SH2D4A: variants seen among roughly 807,000 people sequenced by gnomAD.
SH2D4A encodes SH2 domain containing 4A.
SH2D4A carries 70 observed loss-of-function variants against 64.7 expected under a neutral mutation model. The observed-to-expected ratio is 1.08, with a 90% CI of 0.89 to 1.32. The LOEUF (loss-of-function observed/expected upper bound fraction) is 1.32, where lower values mean the gene tolerates loss of function less well. Among genes scored for constraint, SH2D4A ranks in the 40% most tolerant of loss-of-function variants. SH2D4A has a pLI of 0.00. For synonymous variants in SH2D4A, 268 were observed against 200.7 expected, an observed-to-expected ratio of 1.34 and a Z score of -2.83; for missense variants, 706 against 540.1, an observed-to-expected ratio of 1.31 and a Z score of -3.04.
chr8:19,334,492 C>T (rs1471916250), intron 3 of SH2D4A, among the ~76,000 whole-genome samples, 194 bp from the exon 4 acceptor site: 1 of 152,094 alleles, frequency 6.6e-6, no homozygotes, highest in Non-Finnish European at 1.5e-5. Flanking sequence ...GATGACAATG[C>T]CTTCCTCACA....
intron 2 of SH2D4A, among the ~76,000 whole-genome samples, chr8:19,321,255 C>A (rs568525030): frequency 6.6e-6 from 1 of 152,204 alleles, no homozygotes; most frequent in South Asian, 2.1e-4. Flanking sequence ...ACTCTGTCGC[C>A]CTGGTTGGAG....
At chr8:19,332,875 T>C (rs1434244669) in intron 2 of SH2D4A, 80 bp from the exon 3 acceptor site, 1 of 1,404,414 alleles carries the variant, frequency 7.1e-7, no homozygotes, top group East Asian at 2.3e-5. Flanking sequence ...AGACCCAAAA[T>C]ACTTTAGTGA....
At chr8:19,353,714 T>A (rs1210321507) in intron 4 of SH2D4A, among the ~76,000 whole-genome samples, 1 of 149,504 alleles carries the variant, frequency 6.7e-6, no homozygotes, top group South Asian at 2.1e-4. Context: ...AAATAACTTT[T>A]GGATCCCACA....
Position 19,361,220 on chromosome 8 carries a change from G to T in SH2D4A, c.612G>T (p.Lys204Asn). ...TTAAACAGAAGAAAGAATCTATGAA[G>T]AAAAAACAAGATGAAGAAATAAATC... ...YAFHQKKESM[K>N]KKQDEEINQI... is the part of the protein sequence containing the mutation. Residue 204 changes from lysine (K) to asparagine (N), a missense_variant, in exon 6 of 10, where the codon AAG becomes AAT. By Grantham distance (94) the Lys-to-Asn change is moderately conservative (BLOSUM62 0). Transcript: ENST00000265807. 1.3e-6 allele frequency: 2 copies of T among 1,541,722 alleles called. No homozygotes were observed. The highest frequency in any genetic ancestry group is 1.8e-6 in the Non-Finnish European group (2 of 1,123,464).
intron 6 of SH2D4A, among the ~76,000 whole-genome samples, chr8:19,362,448 A>G (rs1041954468): frequency 2.6e-5 from 4 of 152,162 alleles, no homozygotes; most frequent in African/African-American, 7.2e-5. Context: ...TGGGTCGCAT[A>G]TAGTTTTTAG....
At chr8:19,322,612 C>CTTTTTTTTTTTTTTTTTTTTTATT (rs2052210965) in intron 2 of SH2D4A, among the ~76,000 whole-genome samples, 2 of 126,796 alleles carry the variant, frequency 1.6e-5, no homozygotes, top group Non-Finnish European at 3.2e-5. Context: ...GTCTATTATT[C>CTTTTTTTTTTTTTTTTTTTTTATT]TTTTTTTTTT....
chr8:19,327,174 A>C (rs910807435), intron 2 of SH2D4A, among the ~76,000 whole-genome samples: 2 of 152,192 alleles, frequency 1.3e-5, no homozygotes, highest in African/African-American at 4.8e-5. Context: ...TTTCTAGAAA[A>C]GTTGGTTTTA....
At chr8:19,369,925 ACTTTTTT>A (rs2053066273) in intron 7 of SH2D4A, among the ~76,000 whole-genome samples, 2 of 151,770 alleles carry the variant, frequency 1.3e-5, no homozygotes, top group Non-Finnish European at 2.9e-5. Flanking sequence ...ATATCTTTCT[ACTTTTTT>A]GATATGTGTG....
At position 19,334,871 on chromosome 8, in the gene SH2D4A, G is replaced by C; in HGVS notation, c.513+14G>C. 1.3e-6 allele frequency: 2 copies of C among 1,583,722 alleles called. No individual in the cohort carries two copies. The highest frequency in any genetic ancestry group is 1.2e-5 in the South Asian group (1 of 85,658). On this transcript the variant is annotated intron_variant, in intron 4 of 9. Coordinates refer to ENST00000265807, the MANE Select transcript of SH2D4A (RefSeq NM_022071.4). ...GAGAAAATCCGAGTGAGTCCTTACTGTCTGTAGACGTGCGGAATTTCATCA... is the reference window on the plus strand; with the variant it reads ...GAGAAAATCCGAGTGAGTCCTTACTCTCTGTAGACGTGCGGAATTTCATCA...
At chr8:19,391,221 C>A (rs1394904432) in intron 8 of SH2D4A, among the ~76,000 whole-genome samples, 1 of 152,080 alleles carries the variant, frequency 6.6e-6, no homozygotes. Flanking sequence ...GTATGGTTGT[C>A]ATTTGTAATT....
chr8:19,331,858 C>T (rs951452884), intron 2 of SH2D4A, among the ~76,000 whole-genome samples: 5 of 152,116 alleles, frequency 3.3e-5, no homozygotes, highest in Middle Eastern at 3.2e-3. Context: ...TCACATAGCT[C>T]GTAAGTGACA....
rs185533567 is a variant in SH2D4A at position 19,388,290 on chromosome 8, A to G, written c.1049-5028A>G. On this transcript the variant is annotated intron_variant, in intron 8 of 9. Coordinates refer to ENST00000265807, the MANE Select transcript of SH2D4A (RefSeq NM_022071.4). Reference sequence around the variant, plus strand: ...TTTCTGCGTTAGTTTCCTCATCTATAAAATACAGATGACGATAATATCAGC... The same window carrying G: ...TTTCTGCGTTAGTTTCCTCATCTATGAAATACAGATGACGATAATATCAGC... Among the ~76,000 whole-genome samples, 43 of 152,374 alleles carry G rather than the reference A, an allele frequency of 2.8e-4. No homozygotes were observed. In the East Asian group the frequency reaches 7.5e-3, roughly 27 times the overall value.
intron 8 of SH2D4A, among the ~76,000 whole-genome samples, chr8:19,376,732 C>T (rs2053202393): frequency 6.6e-6 from 1 of 152,116 alleles, no homozygotes; most frequent in Admixed American, 6.5e-5. Context: ...GTCAAGTTGA[C>T]CCATAAAATT....
Position 19,362,540 on chromosome 8 carries a change from G to A in SH2D4A, c.706+1226G>A, listed in dbSNP as rs189350761. ...GGATCACTTCAGGTCATGAGTTCAA[G>A]ACCAGCCTGGCCAACATGGTGAAAC... On this transcript the variant is annotated intron_variant, in intron 6 of 9. Coordinates refer to ENST00000265807, the MANE Select transcript of SH2D4A (RefSeq NM_022071.4). 2.4e-3 allele frequency among the ~76,000 whole-genome samples: 371 copies of A among 152,242 alleles called. 2 individuals are homozygous for A. The highest frequency in any genetic ancestry group is 4.4e-3 in the Non-Finnish European group (301 of 68,020).
rs116150788 is a variant in SH2D4A at position 19,360,247 on chromosome 8, G to C, written c.595-956G>C. ...CCTTTTAAAGGAATATTTACATTTTGAAAGTATTTCTCCCTTCTCAAAAGA... is the reference window on the plus strand; with the variant it reads ...CCTTTTAAAGGAATATTTACATTTTCAAAGTATTTCTCCCTTCTCAAAAGA... On this transcript the variant is annotated intron_variant, in intron 5 of 9. Transcript: ENST00000265807. Among the ~76,000 whole-genome samples the C allele has an allele frequency of 2.6e-3, 384 of 150,582 alleles. 1 individual carries two copies. Among genetic ancestry groups the C allele is most frequent in the African/African-American group, 8.9e-3 (364 of 41,028 alleles).
intron 4 of SH2D4A, among the ~76,000 whole-genome samples, chr8:19,356,385 T>G (rs1477498125): frequency 6.6e-6 from 1 of 152,168 alleles, no homozygotes; most frequent in Non-Finnish European, 1.5e-5. Context: ...ATGCCAAAAT[T>G]AAGAACTCAG....
At chr8:19,388,773 GACTTGATTATAA>G (rs1416303607) in intron 8 of SH2D4A, among the ~76,000 whole-genome samples, 1 of 152,222 alleles carries the variant, frequency 6.6e-6, no homozygotes, top group East Asian at 1.9e-4. Flanking sequence ...GGAAGTTTCA[GACTTGATTATAA>G]GACACAAGCA....
chr8:19,348,477 G>T (rs1451758454), intron 4 of SH2D4A, among the ~76,000 whole-genome samples: 5 of 152,110 alleles, frequency 3.3e-5, no homozygotes, highest in African/African-American at 9.7e-5. Context: ...GATATAATAT[G>T]AAACTTCCAC....
intron 6 of SH2D4A, 82 bp downstream of exon 6, chr8:19,361,396 G>T: frequency 7.3e-7 from 1 of 1,364,606 alleles, no homozygotes; most frequent in Non-Finnish European, 9.7e-7. Flanking sequence ...TCTAGAAAGC[G>T]CTTAATGTGG....
Sources: allele counts gnomAD v4.1 joint callset (sites outside exome capture counted in the v4.1 genomes callset), GRCh38; gene constraint gnomAD v4.1.1; transcripts MANE v1.5; gene names NCBI Gene and HGNC (gene_info 2026-07-23, HGNC 2026-07-21).